PDE4D: variants seen among roughly 807,000 people sequenced by gnomAD.
PDE4D encodes 3',5'-cyclic-AMP phosphodiesterase 4D.
Under a neutral mutation model 87.4 loss-of-function variants are expected in PDE4D, and 24 were observed. That is an observed-to-expected ratio of 0.27 (90% CI 0.20 to 0.39). The LOEUF (loss-of-function observed/expected upper bound fraction) is 0.39, where lower values mean the gene tolerates loss of function less well. Among genes scored for constraint, PDE4D ranks in the 10% least tolerant of loss-of-function variants. The probability of loss-of-function intolerance (pLI) is 1.00; values close to 1 mark genes in which losing one functional copy is unlikely to be tolerated. For synonymous variants in PDE4D, 384 were observed against 383.2 expected, an observed-to-expected ratio of 1.00 and a Z score of -0.02; for missense variants, 714 against 1,041.0, an observed-to-expected ratio of 0.69 and a Z score of 4.32.
intron 3 of PDE4D, among the ~76,000 whole-genome samples, chr5:59,942,090 G>A (rs1757249599): frequency 6.6e-6 from 1 of 152,126 alleles, no homozygotes; most frequent in Admixed American, 6.5e-5. Flanking sequence ...GGGGTGAGAG[G>A]GAGCAGTCTT....
At chr5:60,041,601 C>T (rs551969649) in intron 2 of PDE4D, among the ~76,000 whole-genome samples, 1 of 152,126 alleles carries the variant, frequency 6.6e-6, no homozygotes, top group African/African-American at 2.4e-5. Flanking sequence ...ACGGAGATAC[C>T]CAGCTCATCT....
At chr5:60,296,409 C>T (rs531075174) in intron 1 of PDE4D, among the ~76,000 whole-genome samples, 2 of 152,014 alleles carry the variant, frequency 1.3e-5, no homozygotes, top group African/African-American at 2.4e-5. Flanking sequence ...TCTTGAGGTA[C>T]CTTCTTACCT....
intron 3 of PDE4D, among the ~76,000 whole-genome samples, chr5:59,900,565 C>T (rs1217127141): frequency 6.6e-6 from 1 of 152,030 alleles, no homozygotes; most frequent in Admixed American, 6.6e-5. Flanking sequence ...AGTCACACAG[C>T]AGCAATACAG....
chr5:59,555,696 A>C (rs1818788600), intron 1 of PDE4D, among the ~76,000 whole-genome samples: 1 of 152,084 alleles, frequency 6.6e-6, no homozygotes, highest in Non-Finnish European at 1.5e-5. Context: ...GTATCTAGTT[A>C]ACTTCTTTCA....
intron 1 of PDE4D, among the ~76,000 whole-genome samples, chr5:59,461,849 A>T (rs1445756713): frequency 6.6e-6 from 1 of 152,124 alleles, no homozygotes; most frequent in East Asian, 1.9e-4. Context: ...CTCAGTAGAA[A>T]GGGACTCCTT....
At chr5:60,267,627 C>G (rs1294361808) in intron 1 of PDE4D, among the ~76,000 whole-genome samples, 2 of 152,156 alleles carry the variant, frequency 1.3e-5, no homozygotes, top group Non-Finnish European at 2.9e-5. Context: ...TTGGCCAGTG[C>G]TGGTACTTGG....
chr5:60,471,265 C>T (rs1203565036), intron 1 of PDE4D, among the ~76,000 whole-genome samples: 1 of 152,056 alleles, frequency 6.6e-6, no homozygotes, highest in African/African-American at 2.4e-5. Context: ...TTTCTGCAAT[C>T]CCATGATAAA....
In PDE4D at chr5:59,251,414, A is replaced by C. The variant is rs772882615; in HGVS notation, c.456-35446T>G. On this transcript the variant is annotated intron_variant, in intron 1 of 14. Transcript: ENST00000340635. Reference sequence around the variant, plus strand: ...AAAAGAAGACATACATGCGGCCAACAAGCATATGAAAAAACCCTTAATAAC... The same window carrying C: ...AAAAGAAGACATACATGCGGCCAACCAGCATATGAAAAAACCCTTAATAAC... 6.8e-4 allele frequency among the ~76,000 whole-genome samples: 104 copies of C among 152,354 alleles called. 1 individual carries two copies. Among genetic ancestry groups the C allele is most frequent in the Middle Eastern group, 3.4e-3 (1 of 294 alleles).
rs534605651 is a variant in PDE4D, at chr5:59,885,120, C to T, written c.455+8048G>A. ...TCACTGATTTGGACTGCTACCTTTA[C>T]TAAACCCTAAATTTTCAATATATGC... On this transcript the variant is annotated intron_variant, in intron 1 of 14. Coordinates refer to ENST00000340635, the MANE Select transcript of PDE4D (RefSeq NM_001104631.2). Among the ~76,000 whole-genome samples the T allele has an allele frequency of 5.3e-5, 8 of 152,062 alleles. No individual in the cohort carries two copies. In the East Asian group the frequency reaches 9.6e-4, roughly 18 times the overall value.
chr5:60,028,270 G>C (rs1766855251), intron 2 of PDE4D, among the ~76,000 whole-genome samples: 1 of 151,808 alleles, frequency 6.6e-6, no homozygotes, highest in South Asian at 2.1e-4. Context: ...CATGTTTTGG[G>C]GGCCCCAAGA....
At chr5:59,765,636 T>C (rs1468807197) in intron 1 of PDE4D, among the ~76,000 whole-genome samples, 2 of 152,174 alleles carry the variant, frequency 1.3e-5, no homozygotes, top group Admixed American at 1.3e-4. Context: ...ATGGTCTTTC[T>C]CCTGATTCAT....
intron 1 of PDE4D, among the ~76,000 whole-genome samples, chr5:60,484,500 G>T (rs1011843936): frequency 1.3e-5 from 2 of 152,050 alleles, no homozygotes; most frequent in South Asian, 4.1e-4. Flanking sequence ...TTAATATACT[G>T]ATAATTGTTG....
At chr5:59,604,483 T>C (rs1827920253) in intron 1 of PDE4D, among the ~76,000 whole-genome samples, 1 of 151,978 alleles carries the variant, frequency 6.6e-6, no homozygotes. Context: ...TAAGAAGCAA[T>C]TATTAATGCA....
In PDE4D at chr5:60,518,120, G is replaced by T. The variant is rs76394983; in HGVS notation, n.70+3931C>A. On this transcript the variant is annotated intron_variant and non_coding_transcript_variant, in intron 1 of 2. Coordinates refer to the PDE4D transcript ENST00000506510. ...ACAGCCTCACAGGGAGCTAGCACTT[G>T]TGTCGGCATCTGGAGCTGCCTGCCC... is the stretch of plus-strand genomic sequence containing the variant. Among the ~76,000 whole-genome samples, 308 of 152,366 alleles carry T rather than the reference G, an allele frequency of 2.0e-3. 2 individuals carry two copies. The highest frequency in any genetic ancestry group is 7.1e-3 in the African/African-American group (297 of 41,596).
chr5:59,152,643 A>G (rs934406867), intron 5 of PDE4D, among the ~76,000 whole-genome samples: 2 of 152,172 alleles, frequency 1.3e-5, no homozygotes, highest in African/African-American at 4.8e-5. Flanking sequence ...TACTGTATTG[A>G]CTAGGTCGTT....
At chr5:59,388,196 A>T (rs565183540) in intron 1 of PDE4D, among the ~76,000 whole-genome samples, 1 of 152,134 alleles carries the variant, frequency 6.6e-6, no homozygotes, top group African/African-American at 2.4e-5. Context: ...CAAGAAAAGG[A>T]TCTAAACAGA....
intron 1 of PDE4D, among the ~76,000 whole-genome samples, chr5:60,240,644 TCACCC>T (rs2149656419): frequency 6.6e-6 from 1 of 152,234 alleles, no homozygotes; most frequent in African/African-American, 2.4e-5. Flanking sequence ...CACGCTTCTG[TCACCC>T]CACCCCTAGC....
chr5:59,780,093 G>GT (rs1764462276), intron 1 of PDE4D, among the ~76,000 whole-genome samples: 1 of 152,222 alleles, frequency 6.6e-6, no homozygotes, highest in Non-Finnish European at 1.5e-5. Context: ...GCCGGGCGCG[G>GT]TGGCTCACGC....
At chr5:60,007,666 G>A (rs1764623217) in intron 2 of PDE4D, among the ~76,000 whole-genome samples, 1 of 151,934 alleles carries the variant, frequency 6.6e-6, no homozygotes, top group Non-Finnish European at 1.5e-5. Flanking sequence ...AGGGTTGGCA[G>A]TAACTTTAAA....
Sources: gnomAD v4.1 joint callset for allele counts (sites outside exome capture counted in the v4.1 genomes callset) on GRCh38, gnomAD v4.1.1 for gene constraint, MANE v1.5 for transcripts, NCBI Gene and HGNC (gene_info 2026-07-23, HGNC 2026-07-21) for gene names.